GLI2: variants seen among roughly 807,000 people sequenced by gnomAD.
GLI2 encodes transcription activator GLI2.
Under a neutral mutation model 78.9 loss-of-function variants are expected in GLI2, and 22 were observed. The ratio of observed to expected loss-of-function variants is 0.28; its 90% CI spans 0.20 to 0.40. The LOEUF (loss-of-function observed/expected upper bound fraction) is 0.40. Among genes scored for constraint, GLI2 ranks in the 10% least tolerant of loss-of-function variants. GLI2 has a pLI of 1.00. For synonymous variants in GLI2, 974 were observed against 963.7 expected (o/e 1.01, Z -0.20); for missense variants, 2,097 against 2,213.2 (o/e 0.95, Z 1.05).
intron 1 of GLI2, among the ~76,000 whole-genome samples, chr2:120,778,841 C>T (rs1049835264): frequency 4.6e-5 from 7 of 152,286 alleles, no homozygotes; most frequent in East Asian, 1.9e-4. Context: ...AATATGCTTC[C>T]GGCTTTGCCA....
At chr2:120,762,048 C>T (rs78080002) in intron 1 of GLI2, among the ~76,000 whole-genome samples, 2,419 of 152,328 alleles carry the variant, frequency 0.016, 49 homozygotes, top group African/African-American at 0.051. Flanking sequence ...GATGCACCCA[C>T]GGAGCCGGGC....
At chr2:120,906,589 A>G (rs1276467067) in intron 2 of GLI2, among the ~76,000 whole-genome samples, 2 of 151,658 alleles carry the variant, frequency 1.3e-5, no homozygotes, top group African/African-American at 4.9e-5. Context: ...CGCAGCCACC[A>G]CCCAATGTCT....
chr2:120,976,068 A>C lies in GLI2; in HGVS notation c.1317+959A>C, dbSNP rs185786563. 3.5e-4 allele frequency among the ~76,000 whole-genome samples: 54 copies of C among 152,280 alleles called. No homozygotes were observed. The East Asian group carries it at 9.8e-3, about 28-fold the overall frequency. ...CCATCCAGAGAAGAACTTAAATTCA[A>C]GAAAGCCACCTCCCAACTCCCCAGC... On this transcript the variant is annotated intron_variant, in intron 9 of 13. Coordinates refer to ENST00000361492, the MANE Select transcript of GLI2 (RefSeq NM_001374353.1).
intron 2 of GLI2, among the ~76,000 whole-genome samples, chr2:120,890,674 A>C (rs1261083273): frequency 2.6e-5 from 4 of 152,202 alleles, no homozygotes; most frequent in African/African-American, 9.6e-5. Flanking sequence ...TTGAATCTCA[A>C]ATTAGCGAAA....
chr2:120,824,729 G>T lies in GLI2; in HGVS notation c.148+27261G>T, dbSNP rs140667489. 2.6e-5 allele frequency among the ~76,000 whole-genome samples: 4 copies of T among 152,286 alleles called. No homozygotes were observed. The East Asian group carries it at 7.7e-4, about 29-fold the overall frequency. The stretch of plus-strand genomic sequence containing the variant: ...TCCTGAGGGCCTTGCTTTGAGATAA[G>T]GTGTCCCACAGCCTGATGTTCCAAC... On this transcript the variant is annotated intron_variant, in intron 2 of 13. Transcript: ENST00000361492.
chr2:120,845,962 T>A (rs953124860), intron 2 of GLI2, among the ~76,000 whole-genome samples: 1 of 152,154 alleles, frequency 6.6e-6, no homozygotes, highest in African/African-American at 2.4e-5. Flanking sequence ...TGGAATTATC[T>A]AAGTCAGTCA....
rs201719483 is a variant in GLI2 at position 120,753,205 on chromosome 2, C to A, written c.-31+16920C>A. ...TCTGCCTCCTGGTTCAAGGGATTCT[C>A]GTGCCTCAGCCTCCCAAGTAGCTGG... On this transcript the variant is annotated intron_variant, in intron 1 of 13. Coordinates refer to ENST00000361492, the MANE Select transcript of GLI2 (RefSeq NM_001374353.1). Among the ~76,000 whole-genome samples, 7 of 150,172 alleles carry A rather than the reference C, an allele frequency of 4.7e-5. No individual in the cohort carries two copies. In the East Asian group the frequency reaches 1.4e-3, roughly 30 times the overall value.
intron 2 of GLI2, among the ~76,000 whole-genome samples, chr2:120,885,292 G>A (rs1430789869): frequency 2.0e-5 from 3 of 152,224 alleles, no homozygotes; most frequent in African/African-American, 7.2e-5. Context: ...ACAGGGCCAT[G>A]TTGTCAGATG....
chr2:120,956,982 C>G (rs895355819), intron 5 of GLI2, among the ~76,000 whole-genome samples: 2 of 152,224 alleles, frequency 1.3e-5, no homozygotes, highest in South Asian at 2.1e-4. Flanking sequence ...CCCCTGCCCC[C>G]CTCAGTCACT....
chr2:120,959,656 G>A (rs1311827786), intron 5 of GLI2, among the ~76,000 whole-genome samples: 1 of 152,082 alleles, frequency 6.6e-6, no homozygotes, highest in Admixed American at 6.5e-5. Context: ...GGCTCGGGCT[G>A]GACCTGTCTG....
At chr2:120,891,427 G>T (rs1211438363) in intron 2 of GLI2, among the ~76,000 whole-genome samples, 2 of 152,166 alleles carry the variant, frequency 1.3e-5, no homozygotes, top group Non-Finnish European at 2.9e-5. Context: ...GGCAAAAAGG[G>T]ACCCTACCTT....
At chr2:120,938,713 G>T (rs1680308559) in intron 3 of GLI2, among the ~76,000 whole-genome samples, 1 of 152,194 alleles carries the variant, frequency 6.6e-6, no homozygotes, top group Non-Finnish European at 1.5e-5. Context: ...GACGGGGCTA[G>T]GGCTGGCCTG....
intron 3 of GLI2, among the ~76,000 whole-genome samples, chr2:120,936,781 C>T (rs1680219100): frequency 6.6e-6 from 1 of 152,104 alleles, no homozygotes; most frequent in African/African-American, 2.4e-5. Flanking sequence ...ACGCCACTGC[C>T]AGATGCATTC....
chr2:120,907,342 T>C (rs1189062956), intron 2 of GLI2, among the ~76,000 whole-genome samples: 2 of 152,064 alleles, frequency 1.3e-5, no homozygotes, highest in Non-Finnish European at 2.9e-5. Context: ...GGGCCCGAGA[T>C]CCTGCTGGAG....
intron 1 of GLI2, among the ~76,000 whole-genome samples, chr2:120,755,387 T>C (rs935445914): frequency 6.6e-6 from 1 of 152,248 alleles, no homozygotes; most frequent in African/African-American, 2.4e-5. Flanking sequence ...TATTGCCACC[T>C]GTATATTGTC....
At chr2:120,952,060 T>G (rs1165470302) in intron 4 of GLI2, among the ~76,000 whole-genome samples, 3 of 152,230 alleles carry the variant, frequency 2.0e-5, no homozygotes, top group Non-Finnish European at 4.4e-5. Context: ...AAAGCAGATC[T>G]AAAGTTTTAC....
At chr2:120,785,699 G>A (rs1400268462) in intron 1 of GLI2, among the ~76,000 whole-genome samples, 3 of 152,214 alleles carry the variant, frequency 2.0e-5, no homozygotes, top group Non-Finnish European at 4.4e-5. Flanking sequence ...GTGGCTGCAG[G>A]TGGCTTGGAT....
rs143253144 is a variant in GLI2 at position 120,985,236 on chromosome 2, G to A, written c.1905+493G>A. On this transcript the variant is annotated intron_variant, in intron 12 of 13. Coordinates refer to ENST00000361492, the MANE Select transcript of GLI2 (RefSeq NM_001374353.1). The stretch of plus-strand genomic sequence containing the variant: ...CCAAGGAGCTGGGCATGTGTGGGTG[G>A]GCTGGGGGAGTGAGGGTGGCTGGGG... 1.5e-3 allele frequency among the ~76,000 whole-genome samples: 235 copies of A among 152,360 alleles called. 1 individual carries two copies. In the East Asian group the frequency reaches 0.032, roughly 21 times the overall value.
At chr2:120,828,003 T>G (rs1236838268) in intron 2 of GLI2, among the ~76,000 whole-genome samples, 3 of 152,214 alleles carry the variant, frequency 2.0e-5, no homozygotes, top group Non-Finnish European at 2.9e-5. Flanking sequence ...GCCTCTGAAT[T>G]GTACACTTAA....
Sources: gnomAD v4.1 joint callset for allele counts (sites outside exome capture counted in the v4.1 genomes callset) on GRCh38, gnomAD v4.1.1 for gene constraint, MANE v1.5 for transcripts, NCBI Gene and HGNC (gene_info 2026-07-23, HGNC 2026-07-21) for gene names.